Variants in PLCD3 observed in about 807,000 individuals in gnomAD.
PLCD3 encodes the protein 1-phosphatidylinositol 4,5-bisphosphate phosphodiesterase delta-3.
PLCD3 carries 62 observed loss-of-function variants against 82.8 expected under a neutral mutation model. The observed-to-expected ratio is 0.75, with a 90% confidence interval of 0.61 to 0.93. PLCD3 has a LOEUF of 0.93. Among genes scored for constraint, PLCD3 ranks in the 40% least tolerant of loss-of-function variants. PLCD3 has a pLI of 0.00. For missense variants in PLCD3, 1,023 were observed against 1,103.4 expected (o/e 0.93, Z 1.03); for synonymous variants, 478 against 471.8 (o/e 1.01, Z -0.17).
Position 45,113,420 on chromosome 17 carries a change from C to A in PLCD3, c.1995+19G>T, listed in dbSNP as rs1207335494. The stretch of plus-strand genomic sequence containing the variant: ...GAACCAGTCTGACCCCACACTGGGG[C>A]CCGTTCCAGCCTGCTGACCTGGATG... On this transcript the variant is annotated intron_variant, in intron 12 of 14. Transcript: ENST00000619929. 5 of 1,580,590 alleles carry A rather than the reference C, an allele frequency of 3.2e-6. No individual in the cohort carries two copies. In the Admixed American group the frequency reaches 5.5e-5, roughly 17 times the overall value.
chr17:45,122,364 T>G (rs2054348366), intron 1 of PLCD3, among the ~76,000 whole-genome samples: 1 of 152,016 alleles, frequency 6.6e-6, no homozygotes, highest in African/African-American at 2.4e-5. Context: ...AATAAAAGCA[T>G]CTCCTGTGTG....
intron 9 of PLCD3, 28 bp downstream of exon 9, chr17:45,115,316 T>TCCCCCC: frequency 2.7e-6 from 4 of 1,474,950 alleles, no homozygotes; most frequent in Non-Finnish European, 3.6e-6. Flanking sequence ...TTCCCCCCCT[T>TCCCCCC]CCCCACCCCA....
intron 1 of PLCD3, among the ~76,000 whole-genome samples, chr17:45,124,672 A>T (rs2054367854): frequency 6.6e-6 from 1 of 152,244 alleles, no homozygotes; most frequent in South Asian, 2.1e-4. Flanking sequence ...CCCAGTAGAC[A>T]TTTATAGGTC....
intron 7 of PLCD3, among the ~76,000 whole-genome samples, chr17:45,117,560 T>C (rs147831685): frequency 2.6e-5 from 4 of 152,346 alleles, no homozygotes; most frequent in Admixed American, 2.0e-4. Context: ...TTTTTACATG[T>C]GAATGACATT....
chr17:45,120,514 G>A, intron 3 of PLCD3, 60 bp from the exon 4 acceptor site: 1 of 1,608,412 alleles, frequency 6.2e-7, no homozygotes, highest in Middle Eastern at 1.7e-4. Context: ...TCAGGTAACT[G>A]GCTGGTAAGT....
intron 4 of PLCD3, 104 bp downstream of exon 4, chr17:45,120,221 T>C (rs937755321): frequency 1.3e-6 from 2 of 1,482,996 alleles, no homozygotes; most frequent in Non-Finnish European, 1.8e-6. Context: ...CCAAAAAAGC[T>C]GCAGGTGGAG....
intron 1 of PLCD3, among the ~76,000 whole-genome samples, chr17:45,131,868 G>A (rs938086930): frequency 2.0e-5 from 3 of 152,296 alleles, no homozygotes; most frequent in Middle Eastern, 3.4e-3. Flanking sequence ...TCCTTCCTAA[G>A]GGCTGCCAAG....
rs761291131 is a variant in PLCD3 at position 45,120,887 on chromosome 17, G to A, written c.554+15C>T. The A allele has an allele frequency of 3.3e-4, 467 of 1,415,902 alleles. 1 individual carries two copies. Among genetic ancestry groups the A allele is most frequent in the Non-Finnish European group, 4.0e-4 (437 of 1,090,154 alleles). The allele number at this position is 1,415,902 out of a possible 1,614,324, so 87.7% of individuals were successfully genotyped here. A position where few individuals can be genotyped will look rare whatever the true frequency, so the allele number is the denominator to read the frequency against. On this transcript the variant is annotated intron_variant, in intron 3 of 14. Coordinates refer to ENST00000619929, the MANE Select transcript of PLCD3 (RefSeq NM_133373.5). ...TCCAAGGATGGGGCCCTCCCTCCCAGCCCCGGCAGGATATTGGTCTAGCCG... is the reference window on the plus strand; with the variant it reads ...TCCAAGGATGGGGCCCTCCCTCCCAACCCCGGCAGGATATTGGTCTAGCCG...
At chr17:45,114,959 C>T in intron 10 of PLCD3, 135 bp downstream of exon 10, 1 of 1,295,184 alleles carries the variant, frequency 7.7e-7, no homozygotes, top group East Asian at 2.6e-5. Context: ...GGCCCTCATT[C>T]CCTCAGCCCA....
chr17:45,127,950 A>G (rs1050648967), intron 1 of PLCD3, among the ~76,000 whole-genome samples: 1 of 152,166 alleles, frequency 6.6e-6, no homozygotes, highest in African/African-American at 2.4e-5. Flanking sequence ...GAACTGCTAC[A>G]GCCAGCAGCT....
intron 1 of PLCD3, among the ~76,000 whole-genome samples, chr17:45,127,666 G>A (rs896569763): frequency 6.6e-6 from 1 of 152,160 alleles, no homozygotes; most frequent in African/African-American, 2.4e-5. Flanking sequence ...TGGCAGGGAG[G>A]GTGGGAGTTC....
intron 10 of PLCD3, 62 bp from the exon 11 acceptor site, chr17:45,114,428 C>T: frequency 7.4e-7 from 1 of 1,343,246 alleles, no homozygotes. Flanking sequence ...AAAGCCCCGG[C>T]CTGTAACCTC....
intron 1 of PLCD3, among the ~76,000 whole-genome samples, chr17:45,122,294 T>C (rs937687165): frequency 1.3e-5 from 2 of 152,180 alleles, no homozygotes; most frequent in Non-Finnish European, 2.9e-5. Flanking sequence ...TGAGCCAAGA[T>C]TGCGCCACTG....
At position 45,121,309 on chromosome 17, in the gene PLCD3, G is replaced by C. The variant is rs770850091; in HGVS notation, c.227C>G (p.Ser76Trp). The C allele has an allele frequency of 7.0e-6, 11 of 1,572,512 alleles. No individual in the cohort carries two copies. Among genetic ancestry groups the C allele is most frequent in the African/African-American group, 1.3e-5 (1 of 74,306 alleles). ...CAGCCGCTCCTTGTGCCACGTGCGC[G>C]AGCGGATCTTGCGGAGCCGGGAGCC... ...LRGSRLRKIR[S>W]RTWHKERLYR... is the part of the protein sequence containing the mutation. Residue 76 changes from serine (S) to tryptophan (W), a missense_variant, in exon 2 of 15, where the codon TCG becomes TGG. By Grantham distance (177) the Ser-to-Trp change is radical. This residue lies in a region of PLCD3 where 448 missense variants were observed against 406.3 expected (regional missense o/e 1.10). Coordinates refer to ENST00000619929, the MANE Select transcript of PLCD3 (RefSeq NM_133373.5).
intron 1 of PLCD3, among the ~76,000 whole-genome samples, chr17:45,123,965 C>CT (rs71354850): frequency 1.0e-5 from 1 of 96,364 alleles, no homozygotes; most frequent in African/African-American, 3.6e-5. Context: ...GACCCCCCCC[C>CT]CAACCAGGTC....
At chr17:45,114,905 G>T (rs79923655) in intron 10 of PLCD3, among the ~76,000 whole-genome samples, 189 bp downstream of exon 10, 1 of 151,972 alleles carries the variant, frequency 6.6e-6, no homozygotes, top group African/African-American at 2.4e-5. Context: ...ACAGCAGGCC[G>T]CCCTCAGCGT....
At position 45,113,558 on chromosome 17, in the gene PLCD3, C is replaced by T. The variant is rs1456068464; in HGVS notation, c.1876G>A (p.Gly626Arg). The change falls in exon 12 of 15, where the codon GGG becomes AGG. Residue 626 changes from glycine to arginine, a missense_variant. Physicochemically the swap from Gly to Arg is moderately radical, Grantham distance 125. This residue lies in a region of PLCD3 where 553 missense variants were observed against 655.7 expected (regional missense o/e 0.84). Transcript: ENST00000619929. ...CACTGCCCATTGACTAGGAAGCGCC[C>T]GGCATTGAGGTCCATCTCGTAGCCT... ...TPGYEMDLNAGRFLVNGQCGY... is the reference protein window; with the variant it reads ...TPGYEMDLNARRFLVNGQCGY... 3.8e-6 allele frequency: 6 copies of T among 1,560,778 alleles called. No homozygotes were observed. Among genetic ancestry groups the T allele is most frequent in the East Asian group, 2.4e-5 (1 of 41,642 alleles).
rs1464644650 is a variant in PLCD3, at chr17:45,113,423, G to C, written c.1995+16C>G. Reference sequence around the variant, plus strand: ...CCAGTCTGACCCCACACTGGGGCCCGTTCCAGCCTGCTGACCTGGATGCTG... The same window carrying C: ...CCAGTCTGACCCCACACTGGGGCCCCTTCCAGCCTGCTGACCTGGATGCTG... On this transcript the variant is annotated intron_variant, in intron 12 of 14. Transcript: ENST00000619929. The C allele has an allele frequency of 6.3e-7, 1 of 1,582,930 alleles. No individual in the cohort carries two copies. The highest frequency in any genetic ancestry group is 1.3e-5 in the African/African-American group (1 of 74,248).
rs1475197944 is a variant in PLCD3 at position 45,111,045 on chromosome 17, C to T, written c.*1571G>A. On this transcript the variant is annotated 3_prime_UTR_variant, in exon 15 of 15. Coordinates refer to ENST00000619929, the MANE Select transcript of PLCD3 (RefSeq NM_133373.5). ...GACTAATGTCAAGTTCTGCCCTTGTCCAGTGCCGGCACTGTTGGCTGGCAG... is the reference window on the plus strand; with the variant it reads ...GACTAATGTCAAGTTCTGCCCTTGTTCAGTGCCGGCACTGTTGGCTGGCAG... The T allele has an allele frequency of 6.6e-6, 1 of 152,278 alleles. No individual in the cohort carries two copies. Among genetic ancestry groups the T allele is most frequent in the Non-Finnish European group, 1.5e-5 (1 of 68,076 alleles). 9.4% of individuals were successfully genotyped at this position (152,278 alleles called of 1,614,324 possible).
Sources: gnomAD v4.1 joint callset for allele counts (sites outside exome capture counted in the v4.1 genomes callset) on GRCh38, gnomAD v4.1.1 for gene constraint, gnomAD v4.1.1 regional missense constraint, MANE v1.5 for transcripts, NCBI Gene and HGNC (gene_info 2026-07-23, HGNC 2026-07-21) for gene names.